Variants in FKBP9 observed in about 807,000 individuals in gnomAD.
FKBP9 encodes the protein peptidyl-prolyl cis-trans isomerase FKBP9.
In FKBP9, 27 loss-of-function variants were observed where a neutral mutation model predicts 55.6. The observed-to-expected ratio is 0.49, with a 90% CI of 0.36 to 0.67. The LOEUF (loss-of-function observed/expected upper bound fraction) is 0.67. FKBP9 is among the 30% of genes least tolerant of loss of function. The pLI is 0.00. For synonymous variants in FKBP9, 267 were observed against 296.5 expected, an observed-to-expected ratio of 0.90 and a Z score of 1.02; for missense variants, 539 against 742.8, an observed-to-expected ratio of 0.73 and a Z score of 3.19.
intron 4 of FKBP9, among the ~76,000 whole-genome samples, chr7:32,978,483 G>C (rs1042844046): frequency 6.6e-6 from 1 of 151,994 alleles, no homozygotes; most frequent in Non-Finnish European, 1.5e-5. Flanking sequence ...TCAGCCTTCC[G>C]AATAGTTAGG....
intron 6 of FKBP9, among the ~76,000 whole-genome samples, chr7:32,990,255 G>C (rs2953580): frequency 6.6e-6 from 1 of 152,120 alleles, no homozygotes; most frequent in Non-Finnish European, 1.5e-5. Context: ...GGGAGGCAGG[G>C]GGTCAGACCG....
chr7:32,959,298 G>A (rs71532543), intron 1 of FKBP9, among the ~76,000 whole-genome samples: 44,387 of 152,090 alleles, frequency 0.29, 8,050 homozygotes, highest in Non-Finnish European at 0.4. Flanking sequence ...CCAACTACGC[G>A]GGAGGTTGAG....
At chr7:32,976,286 C>T (rs982926159) in intron 3 of FKBP9, 68 bp from the exon 4 acceptor site, 70 of 1,596,364 alleles carry the variant, frequency 4.4e-5, no homozygotes, top group Non-Finnish European at 5.4e-5. Flanking sequence ...TAAGAAAAAC[C>T]GTACGGAGAG....
At chr7:33,001,805 C>T (rs1221510133) in intron 8 of FKBP9, 1 of 152,098 alleles carries the variant, frequency 6.6e-6, no homozygotes, top group Non-Finnish European at 1.5e-5. Context: ...GTTAGATTTA[C>T]TTAAAAGTTT....
In FKBP9 at chr7:32,988,538, A is replaced by C. The variant is rs777441645; in HGVS notation, c.925A>C (p.Ile309Leu). The C allele has an allele frequency of 2.8e-5, 45 of 1,613,650 alleles. No individual in the cohort carries two copies. Among genetic ancestry groups the C allele is most frequent in the Non-Finnish European group, 3.7e-5 (44 of 1,179,826 alleles). The stretch of plus-strand genomic sequence containing the variant: ...TCGGAACCGCACGTTTGACACGTAC[A>C]TTGGGCAGGGCTACGTGATTCCTGG... ...YSRNRTFDTY[I>L]GQGYVIPGMD... The change falls in exon 6 of 10, where the codon ATT becomes CTT. Residue 309 changes from isoleucine (I) to leucine (L), a missense_variant. Ile to Leu is a conservative substitution (Grantham distance 5, BLOSUM62 2). This residue lies in a region of FKBP9 where 172 missense variants were observed against 205.3 expected (regional missense o/e 0.84). Transcript: ENST00000242209.
At chr7:33,004,113 C>T (rs1477188946) in intron 9 of FKBP9, among the ~76,000 whole-genome samples, 1 of 152,084 alleles carries the variant, frequency 6.6e-6, no homozygotes, top group Non-Finnish European at 1.5e-5. Flanking sequence ...CGTAATGGTC[C>T]TCAGGAAATC....
intron 1 of FKBP9, among the ~76,000 whole-genome samples, chr7:32,972,162 T>C (rs1784265298): frequency 2.0e-5 from 3 of 152,200 alleles, no homozygotes; most frequent in Admixed American, 1.3e-4. Context: ...CCCAGCCAAG[T>C]GTAATTCAAG....
chr7:32,969,076 C>T (rs1394296928), intron 1 of FKBP9, among the ~76,000 whole-genome samples: 1 of 152,104 alleles, frequency 6.6e-6, no homozygotes, highest in Admixed American at 6.5e-5. Context: ...TCCCTTTGCT[C>T]ATTTTAAAAT....
At chr7:32,962,111 A>T (rs998543636) in intron 1 of FKBP9, among the ~76,000 whole-genome samples, 6 of 152,006 alleles carry the variant, frequency 3.9e-5, no homozygotes, top group African/African-American at 1.4e-4. Flanking sequence ...AGAATCACAG[A>T]CTCAGCCAGG....
Position 32,996,327 on chromosome 7 carries a change from G to A in FKBP9, c.1204G>A (p.Asp402Asn). ...ATATCACTACAATGCCTCACTTCTG[G>A]ATGGGACCCTGCTGGACTCCACGTA... ...LKYHYNASLL[D>N]GTLLDSTWNL... The change falls in exon 7 of 10, where the codon GAT (aspartate) becomes AAT (asparagine). Residue 402 changes from aspartate (D) to asparagine (N), a missense_variant. Coordinates refer to ENST00000242209, the MANE Select transcript of FKBP9 (RefSeq NM_007270.5). The A allele has an allele frequency of 6.2e-7, 1 of 1,613,728 alleles. No individual in the cohort carries two copies. The highest frequency in any genetic ancestry group is 1.1e-5 in the South Asian group (1 of 91,048).
chr7:32,991,954 C>T lies in FKBP9; in HGVS notation c.1039+3302C>T, dbSNP rs1305755973. On this transcript the variant is annotated intron_variant, in intron 6 of 9. Coordinates refer to ENST00000242209, the MANE Select transcript of FKBP9 (RefSeq NM_007270.5). ...CTCATTCAAACCTGGAAACAGTCTT[C>T]TGAGGCATCATTACCCTCATTGTTT... Among the ~76,000 whole-genome samples the T allele has an allele frequency of 3.3e-5, 5 of 152,074 alleles. No homozygotes were observed. The East Asian group carries it at 7.7e-4, about 23-fold the overall frequency.
chr7:32,986,813 T>G (rs1296784639), intron 5 of FKBP9, among the ~76,000 whole-genome samples: 1 of 152,186 alleles, frequency 6.6e-6, no homozygotes, highest in Non-Finnish European at 1.5e-5. Flanking sequence ...GGTGAGGGAA[T>G]GGCAGGACCG....
At chr7:33,001,601 C>T (rs1315383635) in intron 8 of FKBP9, among the ~76,000 whole-genome samples, 1 of 151,512 alleles carries the variant, frequency 6.6e-6, no homozygotes, top group Non-Finnish European at 1.5e-5. Context: ...AATTATAATA[C>T]ATAGCATATT....
chr7:32,962,335 G>A (rs1376311634), intron 1 of FKBP9, among the ~76,000 whole-genome samples: 17 of 152,046 alleles, frequency 1.1e-4, no homozygotes, highest in East Asian at 1.9e-4. Context: ...TGGAGGTTGC[G>A]GTGAGTCGAG....
Position 33,005,529 on chromosome 7 carries a change from G to C in FKBP9, c.*178G>C, listed in dbSNP as rs1316635106. The C allele has an allele frequency of 1.5e-6, 1 of 660,908 alleles. No homozygotes were observed. The highest frequency in any genetic ancestry group is 2.6e-6 in the Non-Finnish European group (1 of 386,850). 40.9% of individuals were successfully genotyped at this position (660,908 alleles called of 1,614,324 possible). ...GTTGATATATGGGGTGAGAAGTTTG[G>C]GCTGATCGCCAGTGATAGTAAACAA... On this transcript the variant is annotated 3_prime_UTR_variant, in exon 10 of 10. Coordinates refer to ENST00000242209, the MANE Select transcript of FKBP9 (RefSeq NM_007270.5).
intron 5 of FKBP9, among the ~76,000 whole-genome samples, chr7:32,981,597 G>A (rs1442633300): frequency 1.3e-5 from 2 of 152,068 alleles, no homozygotes; most frequent in Non-Finnish European, 2.9e-5. Context: ...AACCATTACA[G>A]AAGAATTTGT....
intron 1 of FKBP9, among the ~76,000 whole-genome samples, chr7:32,972,828 T>C (rs1338860716): frequency 6.6e-6 from 1 of 152,074 alleles, no homozygotes; most frequent in African/African-American, 2.4e-5. Flanking sequence ...GTTCAAGCAA[T>C]GCTTGTACCT....
intron 6 of FKBP9, among the ~76,000 whole-genome samples, chr7:32,989,407 T>C (rs1250047220): frequency 6.6e-6 from 1 of 152,114 alleles, no homozygotes; most frequent in Non-Finnish European, 1.5e-5. Flanking sequence ...AAAGATTTTT[T>C]TTCCTTTTTT....
chr7:32,996,919 C>T (rs1784810460), intron 7 of FKBP9, among the ~76,000 whole-genome samples: 1 of 150,858 alleles, frequency 6.6e-6, no homozygotes, highest in Non-Finnish European at 1.5e-5. Context: ...CTCAGCCTCC[C>T]TAGTAGCTGG....
Sources: allele counts gnomAD v4.1 joint callset (sites outside exome capture counted in the v4.1 genomes callset), GRCh38; gene constraint gnomAD v4.1.1; regional missense constraint gnomAD v4.1.1; transcripts MANE v1.5; gene names NCBI Gene and HGNC (gene_info 2026-07-23, HGNC 2026-07-21).